The following CNOT6L variants were observed in gnomAD, a reference collection of about 807,000 sequenced individuals.
CNOT6L encodes CCR4-NOT transcription complex subunit 6 like, also known as CCR4-NOT transcription complex subunit 6-like.
A neutral mutation model predicts 64.0 loss-of-function variants in CNOT6L; 7 were observed. That is an observed-to-expected ratio of 0.11 (90% CI 0.06 to 0.21). The LOEUF (loss-of-function observed/expected upper bound fraction) is 0.21, where lower values mean the gene tolerates loss of function less well. CNOT6L is among the 10% of genes least tolerant of loss of function. CNOT6L has a pLI of 1.00. For synonymous variants in CNOT6L, 193 were observed against 243.4 expected (o/e 0.79, Z 1.93); for missense variants, 245 against 669.0 (o/e 0.37, Z 6.99).
At chr4:77,807,416 A>T (rs2110165399) in intron 1 of CNOT6L, among the ~76,000 whole-genome samples, 1 of 152,270 alleles carries the variant, frequency 6.6e-6, no homozygotes, top group East Asian at 1.9e-4. Context: ...CAAAACGGAG[A>T]CATAAACCCA....
chr4:77,809,802 T>C (rs1732702308), intron 1 of CNOT6L, among the ~76,000 whole-genome samples: 1 of 152,076 alleles, frequency 6.6e-6, no homozygotes, highest in Non-Finnish European at 1.5e-5. Context: ...AAGAGAAAAA[T>C]AGAGTTTAAA....
At chr4:77,795,132 G>A (rs1056615197) in intron 1 of CNOT6L, among the ~76,000 whole-genome samples, 1 of 148,214 alleles carries the variant, frequency 6.7e-6, no homozygotes, top group African/African-American at 2.5e-5. Context: ...TGATTCTTCT[G>A]CCTCAGCCTC....
Position 77,726,302 on chromosome 4 carries a change from G to A in CNOT6L, c.1320C>T (p.Tyr440=), listed in dbSNP as rs769417199. The A allele has an allele frequency of 4.3e-6, 7 of 1,613,752 alleles. No individual in the cohort carries two copies. Among genetic ancestry groups the A allele is most frequent in the Non-Finnish European group, 5.9e-6 (7 of 1,179,730 alleles). ...AGCTGAAGTTCATAAGACACTCATT[G>A]TACCTTAGTTCCTTGAAGTCTTTAT... ...DNHKDFKELR[Y]NECLMNFSCN... is the part of the protein sequence containing the mutation. The change falls in exon 11 of 12, where the codon TAC becomes TAT. Residue 440 remains tyrosine, a synonymous_variant. Coordinates refer to ENST00000504123, the MANE Select transcript of CNOT6L (RefSeq NM_144571.3).
chr4:77,769,077 T>C (rs1362257487), intron 4 of CNOT6L, among the ~76,000 whole-genome samples: 1 of 152,012 alleles, frequency 6.6e-6, no homozygotes, highest in East Asian at 1.9e-4. Flanking sequence ...CAGAATACAA[T>C]ACAGCAGTAA....
rs577918821 is a variant in CNOT6L, at chr4:77,757,946, C to T, written c.401-995G>A. Among the ~76,000 whole-genome samples the T allele has an allele frequency of 8.0e-4, 122 of 152,282 alleles. 1 individual carries two copies. Among genetic ancestry groups the T allele is most frequent in the African/African-American group, 2.9e-3 (119 of 41,540 alleles). ...AACTTCTGGCCTCAAGTGATCCGCC[C>T]GCCTTGGCCTCCCAAAATGCTGGGA... On this transcript the variant is annotated intron_variant, in intron 4 of 11. Coordinates refer to ENST00000504123, the MANE Select transcript of CNOT6L (RefSeq NM_144571.3).
rs1720977897 is a variant in CNOT6L, at chr4:77,718,525, T to TTTTA, written c.*1902_*1905dup. 6.6e-6 allele frequency: 1 copy of TTTTA among 152,574 alleles called. No individual in the cohort carries two copies. 9.5% of individuals were successfully genotyped at this position (152,574 alleles called of 1,614,324 possible). A position where few individuals can be genotyped will look rare whatever the true frequency, so the allele number is the denominator to read the frequency against. On this transcript the variant is annotated 3_prime_UTR_variant, in exon 12 of 12. Coordinates refer to ENST00000504123, the MANE Select transcript of CNOT6L (RefSeq NM_144571.3). ...GGTACTTTAACATTTTTAAAAGATA[T>TTTTA]TTTATTTACATCAAAATTCACTGAA...
intron 4 of CNOT6L, among the ~76,000 whole-genome samples, chr4:77,763,745 T>C (rs1726499072): frequency 2.0e-5 from 3 of 152,204 alleles, no homozygotes; most frequent in Admixed American, 6.5e-5. Flanking sequence ...AATCATATAC[T>C]ATGCCATAGG....
At chr4:77,752,035 T>C (rs1271329212) in intron 5 of CNOT6L, among the ~76,000 whole-genome samples, 3 of 152,074 alleles carry the variant, frequency 2.0e-5, no homozygotes, top group African/African-American at 7.2e-5. Flanking sequence ...TAGCCAGACG[T>C]GGTGACGGGA....
intron 4 of CNOT6L, among the ~76,000 whole-genome samples, chr4:77,760,534 C>T (rs554647122): frequency 6.7e-6 from 1 of 149,932 alleles, no homozygotes; most frequent in South Asian, 2.1e-4. Flanking sequence ...ACAAATGAAA[C>T]CCAAAGCAAG....
At chr4:77,802,684 T>G (rs190578279) in intron 1 of CNOT6L, among the ~76,000 whole-genome samples, 10 of 152,322 alleles carry the variant, frequency 6.6e-5, no homozygotes, top group Admixed American at 5.2e-4. Context: ...CTAGAGAATT[T>G]GAATTATTGC....
chr4:77,753,540 G>A (rs1725093924), intron 5 of CNOT6L, among the ~76,000 whole-genome samples: 1 of 152,010 alleles, frequency 6.6e-6, no homozygotes, highest in Non-Finnish European at 1.5e-5. Context: ...GCGTGGTGGT[G>A]TGTGCCTCTA....
At chr4:77,780,685 A>C (rs1350619211) in intron 1 of CNOT6L, among the ~76,000 whole-genome samples, 1 of 152,204 alleles carries the variant, frequency 6.6e-6, no homozygotes, top group African/African-American at 2.4e-5. Flanking sequence ...AAAAAGTTTT[A>C]ATCTCCATCA....
At chr4:77,728,730 C>T in intron 10 of CNOT6L, 124 bp downstream of exon 10, 1 of 724,478 alleles carries the variant, frequency 1.4e-6, no homozygotes, top group South Asian at 1.8e-5. Context: ...TACCTTGTGT[C>T]CCATCCATGG....
At chr4:77,811,563 A>G (rs1196097525) in intron 1 of CNOT6L, among the ~76,000 whole-genome samples, 3 of 152,176 alleles carry the variant, frequency 2.0e-5, no homozygotes, top group African/African-American at 7.2e-5. Flanking sequence ...AAAACAAGAA[A>G]GGAATGGGGA....
At chr4:77,817,081 T>C (rs1291834026) in intron 1 of CNOT6L, among the ~76,000 whole-genome samples, 2 of 152,192 alleles carry the variant, frequency 1.3e-5, no homozygotes. Context: ...CTATCTAAAT[T>C]TTGGTTCCTT....
At chr4:77,793,088 C>T in intron 1 of CNOT6L, among the ~76,000 whole-genome samples, 1 of 151,766 alleles carries the variant, frequency 6.6e-6, no homozygotes, top group East Asian at 1.9e-4. Flanking sequence ...CAAATATGAC[C>T]TAAGCATGAG....
chr4:77,803,271 A>T (rs1459224426), intron 1 of CNOT6L, among the ~76,000 whole-genome samples: 1 of 152,174 alleles, frequency 6.6e-6, no homozygotes, highest in East Asian at 1.9e-4. Context: ...AATTTAAAAT[A>T]TGTATGACTT....
At chr4:77,779,184 T>A (rs760686055) in intron 1 of CNOT6L, among the ~76,000 whole-genome samples, 20 of 152,150 alleles carry the variant, frequency 1.3e-4, no homozygotes, top group Admixed American at 5.9e-4. Flanking sequence ...TGGAGGCATA[T>A]TCTTTTTATA....
intron 1 of CNOT6L, among the ~76,000 whole-genome samples, chr4:77,817,531 GACCTT>G (rs2110199724): frequency 6.7e-6 from 1 of 149,348 alleles, no homozygotes; most frequent in Non-Finnish European, 1.5e-5. Context: ...TTCTCAAAAC[GACCTT>G]ACTATAAAGG....
Sources: gnomAD v4.1 joint callset for allele counts (sites outside exome capture counted in the v4.1 genomes callset) on GRCh38, gnomAD v4.1.1 for gene constraint, MANE v1.5 for transcripts, NCBI Gene and HGNC (gene_info 2026-07-23, HGNC 2026-07-21) for gene names.